Variants in CDC42BPG observed in about 807,000 individuals in gnomAD.
CDC42BPG encodes the protein CDC42 binding protein kinase gamma, also known as serine/threonine-protein kinase MRCK gamma.
CDC42BPG carries 157 observed loss-of-function variants against 192.2 expected under a neutral mutation model. The ratio of observed to expected loss-of-function variants is 0.82; its 90% confidence interval spans 0.72 to 0.93. The LOEUF (loss-of-function observed/expected upper bound fraction) is 0.93. CDC42BPG is among the 40% of genes least tolerant of loss of function. The probability of loss-of-function intolerance (pLI) is 0.00; values close to 1 mark genes in which losing one functional copy is unlikely to be tolerated. For missense variants in CDC42BPG, 1,992 were observed against 2,122.1 expected, an observed-to-expected ratio of 0.94 and a Z score of 1.20; for synonymous variants, 981 against 918.5, an observed-to-expected ratio of 1.07 and a Z score of -1.23.
intron 19 of CDC42BPG, 26 bp from the exon 20 acceptor site, chr11:64,834,380 A>C: frequency 6.4e-7 from 1 of 1,562,906 alleles, no homozygotes; most frequent in South Asian, 1.2e-5. Flanking sequence ...AGGGCTCGCC[A>C]CTGGCCTCTG....
chr11:64,825,946 A>G (rs1942395480), intron 36 of CDC42BPG, among the ~76,000 whole-genome samples: 2 of 151,970 alleles, frequency 1.3e-5, no homozygotes, highest in African/African-American at 4.8e-5. Context: ...CATGCCTGTA[A>G]TACCAGCGAC....
intron 36 of CDC42BPG, among the ~76,000 whole-genome samples, chr11:64,826,125 C>G (rs1020804541): frequency 1.3e-5 from 2 of 151,554 alleles, no homozygotes; most frequent in Admixed American, 1.3e-4. Context: ...CTTCCCCATG[C>G]CAGGTACTAT....
At chr11:64,831,848 G>T in intron 27 of CDC42BPG, 127 bp from the exon 28 acceptor site, 1 of 804,320 alleles carries the variant, frequency 1.2e-6, no homozygotes, top group Non-Finnish European at 2.0e-6. Flanking sequence ...GAGTAGGCCA[G>T]ACAGGCAAAC....
chr11:64,829,447 T>G, intron 30 of CDC42BPG, 24 bp downstream of exon 30: 1 of 1,601,770 alleles, frequency 6.2e-7, no homozygotes, highest in East Asian at 2.2e-5. Context: ...CTGGCCCCCC[T>G]GCCAAGCCCT....
intron 18 of CDC42BPG, 115 bp from the exon 19 acceptor site, chr11:64,834,692 C>T (rs1487817681): frequency 7.2e-7 from 1 of 1,398,358 alleles, no homozygotes; most frequent in Admixed American, 2.6e-5. Context: ...AAAGCTCCAG[C>T]TCAGCCAATG....
chr11:64,838,834 C>T lies in CDC42BPG; in HGVS notation c.945G>A (p.Leu315=). Residue 315 remains leucine (L), a synonymous_variant, in exon 8 of 37, where the codon CTG becomes CTA. Transcript: ENST00000342711. ...CTAGCCGCTCTTCCTGGCGACACAG[C>T]AGCTGGCGGATCAGGTCTTGGGCGC... The part of the protein sequence containing the change: ...PASAQDLIRQ[L]LCRQEERLGR... 6.2e-7 allele frequency: 1 copy of T among 1,612,458 alleles called. No homozygotes were observed.
intron 20 of CDC42BPG, 34 bp downstream of exon 20, chr11:64,834,232 C>G: frequency 6.5e-7 from 1 of 1,537,170 alleles, no homozygotes; most frequent in South Asian, 1.2e-5. Context: ...GCGGGGGAGC[C>G]TGGCTCCGGG....
chr11:64,829,027 C>G (rs917797013), intron 30 of CDC42BPG, among the ~76,000 whole-genome samples: 1 of 151,918 alleles, frequency 6.6e-6, no homozygotes, highest in African/African-American at 2.4e-5. Context: ...TCCAGCCTGG[C>G]GACAGAGTGA....
At chr11:64,832,985 T>G in intron 24 of CDC42BPG, 26 bp from the exon 25 acceptor site, 2 of 1,509,842 alleles carry the variant, frequency 1.3e-6, no homozygotes, top group Non-Finnish European at 1.8e-6. Context: ...AGAAGGTGGA[T>G]GAGGTGAGGC....
At position 64,834,945 on chromosome 11, in the gene CDC42BPG, G is replaced by A; in HGVS notation, c.2079C>T (p.Val693=). 6.2e-7 allele frequency: 1 copy of A among 1,614,100 alleles called. No individual in the cohort carries two copies. Among genetic ancestry groups the A allele is most frequent in the East Asian group, 2.2e-5 (1 of 44,882 alleles). ...CCAGGGCCTGCAGGTAGCCTCTTGA[G>A]ACCTTCTCATCATTCACCCTGAATG... ...DILSWVNDEK[V]SRGYLQALAT... is the part of the protein sequence containing the mutation. The change falls in exon 18 of 37, where the codon GTC becomes GTT. Residue 693 remains valine, a synonymous_variant. Coordinates refer to ENST00000342711, the MANE Select transcript of CDC42BPG (RefSeq NM_017525.3).
rs764656818 is a variant in CDC42BPG at position 64,829,614 on chromosome 11, C to G, written c.3824G>C (p.Gly1275Ala). ...CACGGCACCCAGTGCCTCACCCAGG[C>G]CCCCGCGGGATGGTGGCAGCTCCTC... is the stretch of plus-strand genomic sequence containing the variant. Reference protein sequence around the residue: ...VPEELPPSRGGLGEALGAVEL... With the variant: ...VPEELPPSRGALGEALGAVEL... Residue 1275 changes from glycine to alanine, a missense_variant, in exon 30 of 37, where the codon GGC (glycine) becomes GCC (alanine). This residue lies in a region of CDC42BPG where 1,656 missense variants were observed against 1,844.3 expected (regional missense o/e 0.90). Transcript: ENST00000342711. The G allele has an allele frequency of 6.2e-7, 1 of 1,611,686 alleles. No homozygotes were observed. Among genetic ancestry groups the G allele is most frequent in the African/African-American group, 1.3e-5 (1 of 75,060 alleles).
intron 5 of CDC42BPG, 145 bp from the exon 6 acceptor site, chr11:64,839,716 G>A (rs544045399): frequency 1.3e-5 from 8 of 624,284 alleles, no homozygotes; most frequent in African/African-American, 9.1e-5. Flanking sequence ...GATGAGCAAC[G>A]TGTGTGTGTG....
In CDC42BPG at chr11:64,832,744, C is replaced by A; in HGVS notation, c.2866-1G>T. 1.9e-6 allele frequency: 3 copies of A among 1,604,306 alleles called. No homozygotes were observed. The highest frequency in any genetic ancestry group is 2.6e-6 in the Non-Finnish European group (3 of 1,175,440). The stretch of plus-strand genomic sequence containing the variant: ...GCCGGACACCTGAGGGCCGCGGCAC[C>A]TGGCGGAAAGGCAAGCATGGGAGGG... On this transcript the variant is annotated splice_acceptor_variant, in intron 25 of 36. Coordinates refer to ENST00000342711, the MANE Select transcript of CDC42BPG (RefSeq NM_017525.3). LOFTEE classifies it high-confidence loss of function.
At chr11:64,832,542 C>T in intron 26 of CDC42BPG, 33 bp from the exon 27 acceptor site, 1 of 1,613,910 alleles carries the variant, frequency 6.2e-7, no homozygotes, top group Non-Finnish European at 8.5e-7. Context: ...CAGAAATCTC[C>T]CTGTCCCTGA....
At chr11:64,831,202 A>G (rs942064321) in intron 28 of CDC42BPG, among the ~76,000 whole-genome samples, 3 of 149,968 alleles carry the variant, frequency 2.0e-5, no homozygotes, top group Non-Finnish European at 4.4e-5. Context: ...TGGGCGACCG[A>G]GCGAGACTCT....
Position 64,824,111 on chromosome 11 carries a change from T to C in CDC42BPG, c.*362A>G, listed in dbSNP as rs927243960. Reference sequence around the variant, plus strand: ...TCCACAGATAAGACCTCCAACCTGTTCCCAGAGACCCAGTCCCTCTCCATC... The same window carrying C: ...TCCACAGATAAGACCTCCAACCTGTCCCCAGAGACCCAGTCCCTCTCCATC... On this transcript the variant is annotated 3_prime_UTR_variant, in exon 37 of 37. Coordinates refer to ENST00000342711, the MANE Select transcript of CDC42BPG (RefSeq NM_017525.3). 4 of 338,486 alleles carry C rather than the reference T, an allele frequency of 1.2e-5. No homozygotes were observed. The allele number at this position is 338,486 out of a possible 1,614,324, so 21.0% of individuals were successfully genotyped here. A position where few individuals can be genotyped will look rare whatever the true frequency, so the allele number is the denominator to read the frequency against.
chr11:64,837,160 G>T, intron 9 of CDC42BPG, 141 bp from the exon 10 acceptor site: 2 of 716,996 alleles, frequency 2.8e-6, no homozygotes, highest in Non-Finnish European at 4.9e-6. Context: ...CTGGTGCCAC[G>T]GGTGGCAGCC....
intron 1 of CDC42BPG, among the ~76,000 whole-genome samples, chr11:64,842,656 C>A (rs889208432): frequency 1.3e-5 from 2 of 152,210 alleles, no homozygotes; most frequent in African/African-American, 4.8e-5. Context: ...CTGGACGAAG[C>A]TTTTGTCTGG....
rs1192864769 is a variant in CDC42BPG at position 64,836,705 on chromosome 11, C to CCGGGGCGG, written c.1384+33_1384+34insCCGCCCCG. On this transcript the variant is annotated intron_variant, in intron 11 of 36. Coordinates refer to ENST00000342711, the MANE Select transcript of CDC42BPG (RefSeq NM_017525.3). ...ACCCGAGCCCAGGTGGGACTCAGCC[C>CCGGGGCGG]TGGGGGGGGGGGGGGGGTGGGCGGA... is the stretch of plus-strand genomic sequence containing the variant. The CCGGGGCGG allele has an allele frequency of 1.1e-5, 4 of 353,520 alleles. 1 individual carries two copies. Among genetic ancestry groups the CCGGGGCGG allele is most frequent in the South Asian group, 3.3e-5 (1 of 30,184 alleles). The allele number at this position is 353,520 out of a possible 1,614,324, so 21.9% of individuals were successfully genotyped here. A position where few individuals can be genotyped will look rare whatever the true frequency, so the allele number is the denominator to read the frequency against.
Sources: gnomAD v4.1 joint callset for allele counts (sites outside exome capture counted in the v4.1 genomes callset) on GRCh38, gnomAD v4.1.1 for gene constraint, gnomAD v4.1.1 regional missense constraint, MANE v1.5 for transcripts, NCBI Gene and HGNC (gene_info 2026-07-23, HGNC 2026-07-21) for gene names.